The following TMEM272 variants were observed in gnomAD, a reference collection of about 807,000 sequenced individuals.
TMEM272 encodes the protein long intergenic non-protein coding RNA 282.
TMEM272 carries 8 observed loss-of-function variants against 3.7 expected under a neutral mutation model. The observed-to-expected ratio is 2.17, with a 90% CI of 1.27 to 3.91. The LOEUF is 3.91. Among genes scored for constraint, TMEM272 ranks in the 30% most tolerant of loss-of-function variants. TMEM272 has a pLI of 0.00. For missense variants in TMEM272, 166 were observed against 91.5 expected, an observed-to-expected ratio of 1.81 and a Z score of -3.32; for synonymous variants, 63 against 39.8, an observed-to-expected ratio of 1.58 and a Z score of -2.20.
At chr13:51,861,149 A>T in the TMEM272 span, among the ~76,000 whole-genome samples, 2 of 151,816 alleles carry the variant, frequency 1.3e-5, no homozygotes, top group African/African-American at 2.4e-5. Context: ...TAAAAAGAAG[A>T]AGTAAGAAAA....
At chr13:51,923,482 G>GC in the TMEM272 span, among the ~76,000 whole-genome samples, 25,395 of 152,030 alleles carry the variant, frequency 0.17, 2,833 homozygotes, top group East Asian at 0.58. Flanking sequence ...TCGGTTGAAA[G>GC]CCCACAGCCA....
chr13:51,908,970 C>T, the TMEM272 span: 1 of 1,409,768 alleles, frequency 7.1e-7, no homozygotes, highest in Admixed American at 1.7e-5. Context: ...TCTTCCTCCT[C>T]CCCCTGGAAG....
chr13:51,909,769 T>C, the TMEM272 span: 1 of 1,571,224 alleles, frequency 6.4e-7, no homozygotes, highest in Non-Finnish European at 8.7e-7. Flanking sequence ...TCATCCGTTA[T>C]GTCTTCTTCC....
intron 3 of TMEM272, among the ~76,000 whole-genome samples, chr13:51,822,529 G>A (rs532552900): frequency 6.6e-6 from 1 of 152,264 alleles, no homozygotes; most frequent in South Asian, 2.1e-4. Flanking sequence ...TTAAAATAAG[G>A]TTCAATTTAT....
chr13:51,899,003 T>C, the TMEM272 span, among the ~76,000 whole-genome samples: 5 of 152,168 alleles, frequency 3.3e-5, no homozygotes, highest in Middle Eastern at 3.2e-3. Context: ...CTAGAGACTG[T>C]CTAGACTGCA....
At chr13:51,821,265 A>T (rs1250706285) in intron 4 of TMEM272, among the ~76,000 whole-genome samples, 1 of 152,142 alleles carries the variant, frequency 6.6e-6, no homozygotes, top group Non-Finnish European at 1.5e-5. Flanking sequence ...TTGATATAGA[A>T]AGTGGTGAGG....
At chr13:51,826,856 C>T (rs1418762059) in intron 2 of TMEM272, among the ~76,000 whole-genome samples, 2 of 152,168 alleles carry the variant, frequency 1.3e-5, no homozygotes, top group Non-Finnish European at 2.9e-5. Context: ...TTGCCGATGC[C>T]AAGGCCCAGA....
intron 2 of TMEM272, among the ~76,000 whole-genome samples, chr13:51,836,328 T>C (rs1956216300): frequency 6.6e-6 from 1 of 152,128 alleles, no homozygotes; most frequent in African/African-American, 2.4e-5. Flanking sequence ...AAGTTTCTGT[T>C]TGTTATAAAC....
At chr13:51,929,603 G>A in the TMEM272 span, among the ~76,000 whole-genome samples, 2 of 152,226 alleles carry the variant, frequency 1.3e-5, 1 homozygote, top group South Asian at 4.1e-4. Flanking sequence ...TGCTGAGGAA[G>A]TACAGATTCA....
At chr13:51,888,370 T>G in the TMEM272 span, among the ~76,000 whole-genome samples, 1 of 152,048 alleles carries the variant, frequency 6.6e-6, no homozygotes, top group East Asian at 1.9e-4. Context: ...TTATAAAAAT[T>G]TATTTCCTCT....
the TMEM272 span, among the ~76,000 whole-genome samples, chr13:51,896,960 G>A: frequency 5.3e-5 from 8 of 152,286 alleles, no homozygotes; most frequent in South Asian, 2.1e-4. Flanking sequence ...TTAGTCTGCC[G>A]CAGTTCCATG....
the TMEM272 span, among the ~76,000 whole-genome samples, chr13:51,911,723 G>A: frequency 6.6e-6 from 1 of 152,164 alleles, no homozygotes; most frequent in East Asian, 1.9e-4. Context: ...GGCCCACGCT[G>A]ACCTGACAGT....
the TMEM272 span, among the ~76,000 whole-genome samples, chr13:51,911,489 A>G: frequency 1.3e-5 from 2 of 152,208 alleles, no homozygotes; most frequent in African/African-American, 4.8e-5. Flanking sequence ...CCTTCAACAC[A>G]GATGATGCCC....
the TMEM272 span, among the ~76,000 whole-genome samples, chr13:51,852,841 T>C: frequency 8.0e-5 from 12 of 149,128 alleles, 1 homozygote; most frequent in South Asian, 6.4e-4. Flanking sequence ...ATCGCGCCAT[T>C]GCACCACTCC....
rs897956690 is a variant in TMEM272 at position 51,813,822 on chromosome 13, C to A, written c.*2929G>T. ...TGCCCGATGTAGCAAATAAAATGAT[C>A]TCAACATATAGTTTATCTTTGCTGC... is the stretch of plus-strand genomic sequence containing the variant. On this transcript the variant is annotated 3_prime_UTR_variant, in exon 5 of 5. Transcript: ENST00000629372. 6.6e-6 allele frequency: 1 copy of A among 152,310 alleles called. No homozygotes were observed. The highest frequency in any genetic ancestry group is 1.5e-5 in the Non-Finnish European group (1 of 68,118). The allele number at this position is 152,310 out of a possible 1,614,324, so 9.4% of individuals were successfully genotyped here. A position where few individuals can be genotyped will look rare whatever the true frequency, so the allele number is the denominator to read the frequency against.
At chr13:51,821,021 T>C (rs969724677) in intron 4 of TMEM272, among the ~76,000 whole-genome samples, 4 of 152,196 alleles carry the variant, frequency 2.6e-5, no homozygotes, top group African/African-American at 4.8e-5. Context: ...CAATTGCATA[T>C]GAGAACAGCA....
At chr13:51,925,153 T>C in the TMEM272 span, among the ~76,000 whole-genome samples, 3 of 152,208 alleles carry the variant, frequency 2.0e-5, no homozygotes, top group African/African-American at 4.8e-5. Flanking sequence ...TAGTTGCTCA[T>C]TTGTTTTCCC....
At chr13:51,855,864 A>T in the TMEM272 span, among the ~76,000 whole-genome samples, 1 of 152,200 alleles carries the variant, frequency 6.6e-6, no homozygotes, top group African/African-American at 2.4e-5. Flanking sequence ...ATTTAAAGAA[A>T]TATGTCCAAG....
chr13:51,817,911 C>A (rs1477482881), intron 4 of TMEM272, among the ~76,000 whole-genome samples: 1 of 152,226 alleles, frequency 6.6e-6, no homozygotes, highest in African/African-American at 2.4e-5. Context: ...CCGACTCTAA[C>A]TGGCCACAAA....
Sources: gnomAD v4.1 joint callset for allele counts (sites outside exome capture counted in the v4.1 genomes callset) on GRCh38, gnomAD v4.1.1 for gene constraint, MANE v1.5 for transcripts, NCBI Gene and HGNC (gene_info 2026-07-23, HGNC 2026-07-21) for gene names.